The following NAALADL2 variants were observed in gnomAD, a reference collection of about 807,000 sequenced individuals.
NAALADL2 encodes inactive N-acetylated-alpha-linked acidic dipeptidase-like protein 2.
NAALADL2 carries 76 observed loss-of-function variants against 87.2 expected under a neutral mutation model. That is an observed-to-expected ratio of 0.87 (90% CI 0.72 to 1.05). The LOEUF (loss-of-function observed/expected upper bound fraction) is 1.05, where lower values mean the gene tolerates loss of function less well. Among genes scored for constraint, NAALADL2 ranks in the 50% least tolerant of loss-of-function variants. The probability of loss-of-function intolerance (pLI) is 0.00; values close to 1 mark genes in which losing one functional copy is unlikely to be tolerated. For synonymous variants in NAALADL2, 354 were observed against 331.0 expected (o/e 1.07, Z -0.75); for missense variants, 1,089 against 945.8 (o/e 1.15, Z -1.99).
chr3:174,560,895 C>T (rs1311669841), intron 2 of NAALADL2, among the ~76,000 whole-genome samples: 2 of 152,090 alleles, frequency 1.3e-5, no homozygotes, highest in Non-Finnish European at 2.9e-5. Flanking sequence ...TAAAAGCTCT[C>T]AAACAGCACC....
chr3:175,246,703 A>G (rs1016520599), intron 3 of NAALADL2, among the ~76,000 whole-genome samples: 1 of 152,064 alleles, frequency 6.6e-6, no homozygotes, highest in Non-Finnish European at 1.5e-5. Context: ...TCTTTTAATT[A>G]CTTTTCTGTT....
intron 2 of NAALADL2, among the ~76,000 whole-genome samples, chr3:175,121,667 A>T (rs1230074871): frequency 1.3e-5 from 2 of 151,820 alleles, no homozygotes; most frequent in African/African-American, 4.8e-5. Context: ...GATTTGGGCC[A>T]ACAGGCTTCC....
chr3:174,683,519 G>A (rs1727749487), intron 2 of NAALADL2, among the ~76,000 whole-genome samples: 1 of 151,866 alleles, frequency 6.6e-6, no homozygotes, highest in Non-Finnish European at 1.5e-5. Context: ...ACTATGAAAA[G>A]TATCAAATAC....
chr3:175,795,398 G>A (rs960521623), intron 13 of NAALADL2, among the ~76,000 whole-genome samples: 4 of 152,102 alleles, frequency 2.6e-5, no homozygotes, highest in Non-Finnish European at 5.9e-5. Context: ...CTGTCAATGG[G>A]CGCGATGGCT....
chr3:175,099,745 A>G (rs539676688), intron 2 of NAALADL2, among the ~76,000 whole-genome samples: 11 of 152,226 alleles, frequency 7.2e-5, no homozygotes, highest in African/African-American at 2.6e-4. Context: ...GTCAGTTCTT[A>G]TCAAATAGCC....
chr3:174,972,654 C>T (rs1056272452), intron 1 of NAALADL2, among the ~76,000 whole-genome samples: 1 of 152,100 alleles, frequency 6.6e-6, no homozygotes, highest in African/African-American at 2.4e-5. Context: ...ATGTAAATTT[C>T]GATGGGGACC....
intron 2 of NAALADL2, among the ~76,000 whole-genome samples, chr3:174,604,119 G>A (rs554754094): frequency 1.4e-4 from 21 of 152,186 alleles, no homozygotes; most frequent in Admixed American, 8.5e-4. Context: ...TTTTGTTGTC[G>A]TTGATGTTCT....
intron 2 of NAALADL2, among the ~76,000 whole-genome samples, chr3:174,732,634 G>A (rs1732813229): frequency 6.6e-6 from 1 of 152,210 alleles, no homozygotes; most frequent in Non-Finnish European, 1.5e-5. Context: ...GAAGTAGATA[G>A]GCTTAACTTA....
chr3:174,735,607 T>G (rs944616194), intron 2 of NAALADL2, among the ~76,000 whole-genome samples: 3 of 152,188 alleles, frequency 2.0e-5, no homozygotes, highest in African/African-American at 4.8e-5. Context: ...TCACCCAGGT[T>G]GGTGTGCAGT....
chr3:174,507,763 T>C (rs925233451), intron 1 of NAALADL2, among the ~76,000 whole-genome samples: 7 of 152,146 alleles, frequency 4.6e-5, no homozygotes, highest in Non-Finnish European at 1.0e-4. Context: ...AGCAGTGTTA[T>C]GGCTATCCCA....
intron 1 of NAALADL2, among the ~76,000 whole-genome samples, chr3:174,941,158 TA>T (rs1738521251): frequency 6.6e-6 from 1 of 152,140 alleles, no homozygotes; most frequent in Admixed American, 6.6e-5. Context: ...AATTTCCCCT[TA>T]ACACTGTCTT....
At chr3:174,717,592 C>A (rs1731304296) in intron 2 of NAALADL2, among the ~76,000 whole-genome samples, 1 of 152,068 alleles carries the variant, frequency 6.6e-6, no homozygotes, top group Admixed American at 6.6e-5. Context: ...TTTTTTCTTA[C>A]AATTCTAGAC....
rs1457265402 is a variant in NAALADL2, at chr3:175,131,911, G to T, written c.545+34620G>T. On this transcript the variant is annotated intron_variant, in intron 2 of 13. Transcript: ENST00000454872. ...CCTCCCAGACGGGGCGGCTGGCCGGGCAGAGGGGCTCCTCACTTCCCAGTA... is the reference window on the plus strand; with the variant it reads ...CCTCCCAGACGGGGCGGCTGGCCGGTCAGAGGGGCTCCTCACTTCCCAGTA... Among the ~76,000 whole-genome samples the T allele has an allele frequency of 1.8e-5, 2 of 108,722 alleles. 1 individual carries two copies. Among genetic ancestry groups the T allele is most frequent in the Non-Finnish European group, 3.8e-5 (2 of 53,266 alleles). 71.3% of individuals were successfully genotyped at this position (108,722 alleles called of 152,430 possible).
chr3:174,990,717 G>C (rs1416958022), intron 1 of NAALADL2, among the ~76,000 whole-genome samples: 4 of 152,118 alleles, frequency 2.6e-5, no homozygotes, highest in Non-Finnish European at 5.9e-5. Flanking sequence ...TGCTGTCCTA[G>C]ATTAGTGGCT....
intron 2 of NAALADL2, among the ~76,000 whole-genome samples, chr3:174,613,934 G>A (rs1486314283): frequency 6.6e-6 from 1 of 152,178 alleles, no homozygotes; most frequent in East Asian, 1.9e-4. Flanking sequence ...TCTCTTTAAG[G>A]CAGCAGGATC....
intron 2 of NAALADL2, among the ~76,000 whole-genome samples, chr3:174,608,254 G>T (rs543314044): frequency 2.0e-5 from 3 of 152,106 alleles, no homozygotes; most frequent in African/African-American, 4.8e-5. Flanking sequence ...ACAATTAAAA[G>T]AACTAGAAAA....
intron 9 of NAALADL2, among the ~76,000 whole-genome samples, chr3:175,486,693 G>A (rs1380920192): frequency 6.6e-6 from 1 of 152,044 alleles, no homozygotes; most frequent in African/African-American, 2.4e-5. Flanking sequence ...ATTTAGAAAC[G>A]ATATGAGTGC....
chr3:175,013,221 A>G (rs1750310186), intron 1 of NAALADL2, among the ~76,000 whole-genome samples: 1 of 118,130 alleles, frequency 8.5e-6, no homozygotes, highest in African/African-American at 3.0e-5. Context: ...ATATATTTAT[A>G]TATAAATATA....
chr3:174,713,797 T>C (rs1182522755), intron 2 of NAALADL2, among the ~76,000 whole-genome samples: 1 of 151,870 alleles, frequency 6.6e-6, no homozygotes, highest in Non-Finnish European at 1.5e-5. Flanking sequence ...AGAAGCTCTT[T>C]AGTTGAATTA....
Sources: gnomAD v4.1 joint callset for allele counts (sites outside exome capture counted in the v4.1 genomes callset) on GRCh38, gnomAD v4.1.1 for gene constraint, MANE v1.5 for transcripts, NCBI Gene and HGNC (gene_info 2026-07-23, HGNC 2026-07-21) for gene names.